The following TCF20 variants were observed in gnomAD, a reference collection of about 807,000 sequenced individuals.
TCF20 encodes the protein transcription factor 20.
A neutral mutation model predicts 148.6 loss-of-function variants in TCF20; 3 were observed. The observed-to-expected ratio is 0.02, with a 90% CI of 0.01 to 0.05. TCF20 has a LOEUF of 0.05. Ranked by LOEUF, TCF20 falls within the 10% of genes least tolerant of loss-of-function variation. TCF20 has a pLI of 1.00. For missense variants in TCF20, 2,350 were observed against 2,429.3 expected, an observed-to-expected ratio of 0.97 and a Z score of 0.69; for synonymous variants, 1,049 against 909.5, an observed-to-expected ratio of 1.15 and a Z score of -2.76.
At chr22:42,311,135 C>A (rs970050685) in intron 1 of TCF20, among the ~76,000 whole-genome samples, 5 of 152,208 alleles carry the variant, frequency 3.3e-5, no homozygotes, top group African/African-American at 1.2e-4. Context: ...TCCCAAACTG[C>A]GGCTCACACA....
At chr22:42,166,258 T>C (rs1935778799) in intron 5 of TCF20, among the ~76,000 whole-genome samples, 1 of 152,218 alleles carries the variant, frequency 6.6e-6, no homozygotes, top group African/African-American at 2.4e-5. Context: ...CTCTCTTCAA[T>C]GGGTGAGGCC....
intron 3 of TCF20, among the ~76,000 whole-genome samples, chr22:42,178,947 A>G (rs1487610098): frequency 6.6e-6 from 1 of 152,102 alleles, no homozygotes; most frequent in Non-Finnish European, 1.5e-5. Flanking sequence ...CAATAGGCAC[A>G]AGAAAAAAAT....
chr22:42,166,245 C>CGACT (rs1935777837), intron 5 of TCF20, among the ~76,000 whole-genome samples: 1 of 152,250 alleles, frequency 6.6e-6, no homozygotes, highest in South Asian at 2.1e-4. Flanking sequence ...GGACCTGAGA[C>CGACT]GACTCTCTTC....
chr22:42,173,643 T>C (rs892985789), intron 3 of TCF20, among the ~76,000 whole-genome samples: 1 of 152,198 alleles, frequency 6.6e-6, no homozygotes, highest in African/African-American at 2.4e-5. Context: ...AGTTACATCA[T>C]ACACAGAGAG....
chr22:42,310,995 T>C (rs1261597595), intron 1 of TCF20, among the ~76,000 whole-genome samples: 3 of 152,130 alleles, frequency 2.0e-5, no homozygotes, highest in Non-Finnish European at 4.4e-5. Flanking sequence ...CCCAAGAAAA[T>C]ACGGCCTGGA....
intron 2 of TCF20, among the ~76,000 whole-genome samples, chr22:42,201,595 C>T (rs944633950): frequency 1.6e-4 from 24 of 152,038 alleles, no homozygotes; most frequent in African/African-American, 5.8e-4. Flanking sequence ...TGGTGAAACC[C>T]CGTCTCTACT....
At chr22:42,164,277 C>T (rs561684593) in intron 5 of TCF20, among the ~76,000 whole-genome samples, 137 of 139,816 alleles carry the variant, frequency 9.8e-4, no homozygotes, top group Non-Finnish European at 1.7e-3. Flanking sequence ...TGCAGTGGCA[C>T]GATCTCAGCT....
At chr22:42,296,824 T>G (rs1220787190) in intron 1 of TCF20, among the ~76,000 whole-genome samples, 1 of 152,194 alleles carries the variant, frequency 6.6e-6, no homozygotes, top group Non-Finnish European at 1.5e-5. Context: ...CGCCATTTAT[T>G]CAGCTCAGCT....
intron 1 of TCF20, among the ~76,000 whole-genome samples, chr22:42,339,230 A>G (rs921940107): frequency 2.6e-5 from 4 of 152,224 alleles, no homozygotes; most frequent in African/African-American, 9.6e-5. Flanking sequence ...ACTGCAATCT[A>G]CACTGTGGTT....
intron 1 of TCF20, among the ~76,000 whole-genome samples, chr22:42,311,828 G>A (rs1927542588): frequency 6.6e-6 from 1 of 152,180 alleles, no homozygotes; most frequent in African/African-American, 2.4e-5. Flanking sequence ...ACAGACCCCT[G>A]CACCAGAGCC....
At chr22:42,268,854 G>A (rs1033296499) in intron 1 of TCF20, among the ~76,000 whole-genome samples, 1 of 152,240 alleles carries the variant, frequency 6.6e-6, no homozygotes, top group African/African-American at 2.4e-5. Context: ...TTTATGCTCT[G>A]TTGAAGGCAG....
At chr22:42,224,228 T>C (rs1922639223) in intron 1 of TCF20, among the ~76,000 whole-genome samples, 1 of 152,010 alleles carries the variant, frequency 6.6e-6, no homozygotes, top group Non-Finnish European at 1.5e-5. Context: ...TACCAGCACT[T>C]TGGGAGGCCG....
intron 1 of TCF20, among the ~76,000 whole-genome samples, chr22:42,318,042 C>T (rs760066730): frequency 2.0e-4 from 30 of 152,232 alleles, no homozygotes; most frequent in Non-Finnish European, 3.1e-4. Flanking sequence ...CTTGACCCCA[C>T]AAGCACCCCC....
chr22:42,243,029 C>G (rs1924577454), intron 1 of TCF20, among the ~76,000 whole-genome samples: 1 of 151,716 alleles, frequency 6.6e-6, no homozygotes, highest in African/African-American at 2.4e-5. Flanking sequence ...CAATGATTAC[C>G]AAGGATCCAA....
intron 1 of TCF20, among the ~76,000 whole-genome samples, chr22:42,218,281 C>T (rs1392126357): frequency 1.3e-5 from 2 of 152,166 alleles, no homozygotes; most frequent in Non-Finnish European, 2.9e-5. Context: ...GTAAAAAATA[C>T]CAGTTGTCCT....
upstream of TCF20, among the ~76,000 whole-genome samples, chr22:42,270,945 T>A (rs1457028750): frequency 6.6e-6 from 1 of 151,888 alleles, no homozygotes; most frequent in East Asian, 1.9e-4. Context: ...AGGGCCGTCT[T>A]GGGGGTGGAC....
At chr22:42,203,378 TC>T (rs1372621843) in intron 2 of TCF20, among the ~76,000 whole-genome samples, 2 of 151,366 alleles carry the variant, frequency 1.3e-5, no homozygotes, top group African/African-American at 4.9e-5. Flanking sequence ...CCCCACATCA[TC>T]CCCCTACCTC....
At chr22:42,251,383 C>T (rs1342931001) in intron 1 of TCF20, among the ~76,000 whole-genome samples, 15 of 151,428 alleles carry the variant, frequency 9.9e-5, no homozygotes, top group African/African-American at 3.4e-4. Flanking sequence ...GGTTTCTCCA[C>T]GTTGCCCAGG....
intron 2 of TCF20, among the ~76,000 whole-genome samples, chr22:42,188,241 C>T (rs969945312): frequency 1.6e-5 from 2 of 126,218 alleles, no homozygotes; most frequent in Non-Finnish European, 1.6e-5. Flanking sequence ...TTGCAGTGAG[C>T]GAGATCATGC....
Sources: gnomAD v4.1 joint callset for allele counts (sites outside exome capture counted in the v4.1 genomes callset) on GRCh38, gnomAD v4.1.1 for gene constraint, MANE v1.5 for transcripts, NCBI Gene and HGNC (gene_info 2026-07-23, HGNC 2026-07-21) for gene names.